USP25: variants seen among roughly 807,000 people sequenced by gnomAD.
USP25 encodes the protein ubiquitin specific peptidase 25.
In USP25, 85 loss-of-function variants were observed where a neutral mutation model predicts 158.5. The ratio of observed to expected loss-of-function variants is 0.54; its 90% confidence interval spans 0.45 to 0.64. The LOEUF is 0.64. Among genes scored for constraint, USP25 ranks in the 30% least tolerant of loss-of-function variants. The pLI, the probability that USP25 is intolerant of heterozygous loss-of-function variation, is 0.00. For missense variants in USP25, 1,242 were observed against 1,327.3 expected, an observed-to-expected ratio of 0.94 and a Z score of 1.00; for synonymous variants, 464 against 460.4, an observed-to-expected ratio of 1.01 and a Z score of -0.10.
At chr21:15,819,433 C>A (rs2037116597) in intron 10 of USP25, among the ~76,000 whole-genome samples, 1 of 152,142 alleles carries the variant, frequency 6.6e-6, no homozygotes, top group African/African-American at 2.4e-5. Flanking sequence ...TTCATCCATG[C>A]ATTCATCTGT....
chr21:15,731,611 G>T (rs1421074079), intron 1 of USP25, among the ~76,000 whole-genome samples: 1 of 152,192 alleles, frequency 6.6e-6, no homozygotes, highest in Non-Finnish European at 1.5e-5. Context: ...CTCAAGTTTG[G>T]AAAGCAAGGA....
Position 15,846,145 on chromosome 21 carries a change from TATA to T in USP25, c.2338-1517_2338-1515del, listed in dbSNP as rs2038588303. Among the ~76,000 whole-genome samples, 3 of 68,346 alleles carry T rather than the reference TATA, an allele frequency of 4.4e-5. 1 individual carries two copies. Among genetic ancestry groups the T allele is most frequent in the African/African-American group, 2.1e-4 (3 of 14,054 alleles). 44.8% of individuals were successfully genotyped at this position (68,346 alleles called of 152,430 possible). A position where few individuals can be genotyped will look rare whatever the true frequency, so the allele number is the denominator to read the frequency against. On this transcript the variant is annotated intron_variant, in intron 18 of 25. Transcript: ENST00000400183. ...GTGTATATATATATATATATATATA[TATA>T]TATATATATATTTTTTTTTTTTTTT...
Position 15,833,402 on chromosome 21 carries a change from C to A in USP25, c.2048C>A (p.Pro683Gln), listed in dbSNP as rs113409149. 2 of 1,613,788 alleles carry A rather than the reference C, an allele frequency of 1.2e-6. No individual in the cohort carries two copies. The highest frequency in any genetic ancestry group is 1.1e-5 in the South Asian group (1 of 91,062). The change falls in exon 17 of 26, where the codon CCG becomes CAG. Residue 683 changes from proline to glutamine, a missense_variant. Coordinates refer to ENST00000400183, the MANE Select transcript of USP25 (RefSeq NM_001283041.3). Reference protein sequence around the residue: ...QPLVGIETLPPDLRDFVEEDN... With the variant: ...QPLVGIETLPQDLRDFVEEDN... ...CTTGTTGGTATAGAAACATTACCAC[C>A]GGATTTGAGAGATTTTGTTGAGGAA...
intron 15 of USP25, among the ~76,000 whole-genome samples, chr21:15,831,183 C>T (rs1044617726): frequency 1.3e-5 from 2 of 151,996 alleles, no homozygotes; most frequent in African/African-American, 2.4e-5. Context: ...TCTTTTTAAT[C>T]TATCAACTTT....
At chr21:15,853,352 C>T (rs924516999) in intron 20 of USP25, among the ~76,000 whole-genome samples, 10 of 152,122 alleles carry the variant, frequency 6.6e-5, no homozygotes, top group Admixed American at 6.5e-4. Context: ...CATGTACACA[C>T]ACATGCACAC....
At chr21:15,764,571 A>C (rs2033923975) in intron 2 of USP25, among the ~76,000 whole-genome samples, 1 of 152,130 alleles carries the variant, frequency 6.6e-6, no homozygotes, top group Non-Finnish European at 1.5e-5. Context: ...ACATATTTTT[A>C]GCTCTAAAAA....
At chr21:15,779,619 G>T (rs1010233595) in intron 4 of USP25, among the ~76,000 whole-genome samples, 1 of 151,674 alleles carries the variant, frequency 6.6e-6, no homozygotes, top group African/African-American at 2.4e-5. Flanking sequence ...AGGGATGAAG[G>T]CTGTTCCTAA....
rs2038411827 is a variant in USP25, at chr21:15,843,002, T to C, written c.2337+462T>C. On this transcript the variant is annotated intron_variant, in intron 18 of 25. Coordinates refer to ENST00000400183, the MANE Select transcript of USP25 (RefSeq NM_001283041.3). This position sits in a 1 kb window ranked among gnomAD's most constrained non-coding sequence, Gnocchi z 4.0. ...AGTATTATTTAAAACTACTAGATAC[T>C]GTAGATTAGAGTATTATTAGAAGGA... Among the ~76,000 whole-genome samples, 1 of 152,004 alleles carries C rather than the reference T, an allele frequency of 6.6e-6. No homozygotes were observed. Among genetic ancestry groups the C allele is most frequent in the South Asian group, 2.1e-4 (1 of 4,822 alleles).
intron 1 of USP25, among the ~76,000 whole-genome samples, chr21:15,752,526 A>G (rs1428395553): frequency 2.6e-5 from 4 of 152,164 alleles, no homozygotes; most frequent in Non-Finnish European, 1.5e-5. Flanking sequence ...GATGGGGAAT[A>G]CTCTTAAGGG....
At chr21:15,788,271 A>G (rs1302063147) in intron 4 of USP25, among the ~76,000 whole-genome samples, 2 of 151,834 alleles carry the variant, frequency 1.3e-5, no homozygotes, top group Non-Finnish European at 2.9e-5. Context: ...CAGGGGAGGA[A>G]CCCTTATGCA....
intron 7 of USP25, 173 bp downstream of exon 7, chr21:15,805,431 G>T (rs1327900961): frequency 5.4e-6 from 3 of 551,930 alleles, no homozygotes; most frequent in Non-Finnish European, 8.3e-6. Flanking sequence ...TGATCTTGAA[G>T]GTGTTAAAAT....
intron 18 of USP25, among the ~76,000 whole-genome samples, chr21:15,846,245 C>T (rs1445971658): frequency 3.5e-5 from 5 of 143,598 alleles, no homozygotes; most frequent in East Asian, 2.1e-4. Flanking sequence ...TCTCTGCAAC[C>T]TCCGCCTCCC....
At chr21:15,876,274 T>G (rs1199346885) in intron 24 of USP25, 1 of 152,192 alleles carries the variant, frequency 6.6e-6, no homozygotes, top group African/African-American at 2.4e-5. Context: ...ACTTGAAGAT[T>G]TATCTCATTT....
chr21:15,740,663 T>TTTTTTTTTTTTTTTTTTTTTTTTTTTTA (rs2031964226), intron 1 of USP25, among the ~76,000 whole-genome samples: 1 of 131,032 alleles, frequency 7.6e-6, no homozygotes, highest in Non-Finnish European at 1.5e-5. Context: ...TTTTTTTTTT[T>TTTTTTTTTTTTTTTTTTTTTTTTTTTTA]TTTTTTTTTT....
At chr21:15,757,869 G>A (rs1037552623) in intron 1 of USP25, among the ~76,000 whole-genome samples, 2 of 152,184 alleles carry the variant, frequency 1.3e-5, no homozygotes, top group East Asian at 3.8e-4. Flanking sequence ...GGCTAGCATA[G>A]GCAGTGTAAT....
At chr21:15,739,115 C>T (rs969936453) in intron 1 of USP25, among the ~76,000 whole-genome samples, 8 of 152,108 alleles carry the variant, frequency 5.3e-5, no homozygotes, top group African/African-American at 1.4e-4. Flanking sequence ...GTTTTGTCTG[C>T]GGCTCGTCCT....
intron 4 of USP25, among the ~76,000 whole-genome samples, chr21:15,783,860 C>A (rs971198509): frequency 3.3e-5 from 5 of 151,498 alleles, no homozygotes; most frequent in Non-Finnish European, 7.4e-5. Context: ...GTCTCAGCTA[C>A]TTGGGAGGCT....
intron 21 of USP25, among the ~76,000 whole-genome samples, chr21:15,865,038 A>AG (rs1555864886): frequency 6.6e-6 from 1 of 152,164 alleles, no homozygotes; most frequent in Non-Finnish European, 1.5e-5. Context: ...CTCTGGAAAG[A>AG]GAAAATATTC....
chr21:15,839,528 T>G (rs1282728985), intron 17 of USP25, among the ~76,000 whole-genome samples: 1 of 152,178 alleles, frequency 6.6e-6, no homozygotes, highest in East Asian at 1.9e-4. Context: ...TTTAAAAATA[T>G]GAGTAGGTAG....
Sources: gnomAD v4.1 joint callset for allele counts (sites outside exome capture counted in the v4.1 genomes callset) on GRCh38, gnomAD v4.1.1 for gene constraint, Gnocchi (gnomAD v3.1) non-coding constraint, MANE v1.5 for transcripts, NCBI Gene and HGNC (gene_info 2026-07-23, HGNC 2026-07-21) for gene names.